The following TSNARE1 variants were observed in gnomAD, a reference collection of about 807,000 sequenced individuals.
The protein encoded by TSNARE1 is t-SNARE domain-containing protein 1.
Under a neutral mutation model 62.0 loss-of-function variants are expected in TSNARE1, and 49 were observed. The ratio of observed to expected loss-of-function variants is 0.79; its 90% confidence interval spans 0.63 to 1.00. The LOEUF (loss-of-function observed/expected upper bound fraction) is 1.00. Ranked by LOEUF, TSNARE1 falls within the 50% of genes least tolerant of loss-of-function variation. The pLI, the probability that TSNARE1 is intolerant of heterozygous loss-of-function variation, is 0.00. For synonymous variants in TSNARE1, 328 were observed against 294.4 expected, an observed-to-expected ratio of 1.11 and a Z score of -1.17; for missense variants, 755 against 700.1, an observed-to-expected ratio of 1.08 and a Z score of -0.88.
At chr8:142,355,266 G>A (rs960660389) in intron 1 of TSNARE1, among the ~76,000 whole-genome samples, 117 of 152,354 alleles carry the variant, frequency 7.7e-4, no homozygotes, top group African/African-American at 2.7e-3. Flanking sequence ...TCAGGCCCGG[G>A]GTTGGCTCTG....
At chr8:142,361,265 C>T (rs1479412816) in intron 1 of TSNARE1, among the ~76,000 whole-genome samples, 1 of 152,208 alleles carries the variant, frequency 6.6e-6, no homozygotes, top group Non-Finnish European at 1.5e-5. Flanking sequence ...TGGGGACAGA[C>T]GGGAAAGCGG....
At chr8:142,289,063 C>T (rs975634280) in intron 10 of TSNARE1, among the ~76,000 whole-genome samples, 9 of 152,250 alleles carry the variant, frequency 5.9e-5, no homozygotes, top group Admixed American at 4.6e-4. Flanking sequence ...CTCTTTAAGA[C>T]GCCTGGCACT....
chr8:142,383,310 C>A (rs534085713), intron 1 of TSNARE1, among the ~76,000 whole-genome samples: 6 of 152,302 alleles, frequency 3.9e-5, no homozygotes, highest in African/African-American at 1.2e-4. Context: ...CTGGGTAAGA[C>A]GTGTGGTCAG....
intron 9 of TSNARE1, among the ~76,000 whole-genome samples, chr8:142,305,141 CGAGT>C (rs1826446815): frequency 1.3e-5 from 2 of 152,264 alleles, no homozygotes; most frequent in South Asian, 4.1e-4. Context: ...CTAATGCGGG[CGAGT>C]GAGATGGCCA....
At chr8:142,299,283 G>A (rs1029992413) in intron 10 of TSNARE1, among the ~76,000 whole-genome samples, 1 of 152,258 alleles carries the variant, frequency 6.6e-6, no homozygotes, top group Non-Finnish European at 1.5e-5. Context: ...CTTCGAGAGT[G>A]GAAGACCTGC....
chr8:142,280,284 G>A lies in TSNARE1; in HGVS notation c.1363+4129C>T, dbSNP rs957160886. On this transcript the variant is annotated intron_variant, in intron 11 of 13. Coordinates refer to ENST00000524325, the MANE Select transcript of TSNARE1 (RefSeq NM_145003.5). Reference sequence around the variant, plus strand: ...GCAGGGCTGCCGCGGCCGGCTCGGGGCTGCAGCTCTGCTGGCAGATGGCTT... The same window carrying A: ...GCAGGGCTGCCGCGGCCGGCTCGGGACTGCAGCTCTGCTGGCAGATGGCTT... The A allele has an allele frequency of 1.8e-4, 178 of 985,386 alleles. No individual in the cohort carries two copies. The Middle Eastern group carries it at 5.2e-3, about 29-fold the overall frequency. 61.0% of individuals were successfully genotyped at this position (985,386 alleles called of 1,614,324 possible).
At chr8:142,267,051 T>C (rs991815999) in intron 12 of TSNARE1, among the ~76,000 whole-genome samples, 8 of 152,240 alleles carry the variant, frequency 5.3e-5, no homozygotes, top group African/African-American at 1.7e-4. Context: ...ATTTTTGTGA[T>C]TTCATCTTTT....
chr8:142,391,865 C>T (rs1016179969), intron 1 of TSNARE1, among the ~76,000 whole-genome samples: 3 of 152,244 alleles, frequency 2.0e-5, no homozygotes, highest in Non-Finnish European at 2.9e-5. Flanking sequence ...GAGCTGAGCA[C>T]AGCCTACTGG....
At position 142,390,632 on chromosome 8, in the gene TSNARE1, GCGGGGGA is replaced by G. The variant is rs1331582841; in HGVS notation, c.-40+12465_-40+12471del. On this transcript the variant is annotated intron_variant, in intron 1 of 13. Coordinates refer to ENST00000524325, the MANE Select transcript of TSNARE1 (RefSeq NM_145003.5). ...GACTCCATAGCAGACGCTGTACACT[GCGGGGGA>G]CTCTGTAACAGAAGCTGTACACTGC... Among the ~76,000 whole-genome samples, 10 of 22,184 alleles carry G rather than the reference GCGGGGGA, an allele frequency of 4.5e-4. 2 individuals carry two copies. The highest frequency in any genetic ancestry group is 3.6e-4 in the Admixed American group (1 of 2,814). The allele number at this position is 22,184 out of a possible 152,430, so 14.6% of individuals were successfully genotyped here.
At chr8:142,335,713 G>T (rs1237783659) in intron 4 of TSNARE1, among the ~76,000 whole-genome samples, 2 of 152,194 alleles carry the variant, frequency 1.3e-5, no homozygotes, top group African/African-American at 4.8e-5. Context: ...ACTTAATGAT[G>T]CATGAGCCGA....
chr8:142,278,139 C>A (rs1820800140), intron 11 of TSNARE1: 1 of 985,276 alleles, frequency 1.0e-6, no homozygotes, highest in African/African-American at 1.7e-5. Flanking sequence ...CCAAGCCCCA[C>A]CACAAGGCCT....
chr8:142,371,340 G>GA (rs1835898705), intron 1 of TSNARE1, among the ~76,000 whole-genome samples: 1 of 152,218 alleles, frequency 6.6e-6, no homozygotes, highest in African/African-American at 2.4e-5. Flanking sequence ...AAAGTCGGGT[G>GA]AATGGCTGCC....
chr8:142,356,056 C>T (rs1834705997), intron 1 of TSNARE1, among the ~76,000 whole-genome samples: 1 of 152,226 alleles, frequency 6.6e-6, no homozygotes, highest in African/African-American at 2.4e-5. Context: ...TTTTAAATAA[C>T]AAAGCTCTTA....
chr8:142,274,882 G>A lies in TSNARE1; in HGVS notation c.1364-19C>T, dbSNP rs1820188847. ...ATACTATCTGCAAATCAAGACAACA[G>A]AAGGCAATTACAGATGGAGGCCCAG... On this transcript the variant is annotated intron_variant, in intron 11 of 13. Coordinates refer to ENST00000524325, the MANE Select transcript of TSNARE1 (RefSeq NM_145003.5). 5 of 1,529,788 alleles carry A rather than the reference G, an allele frequency of 3.3e-6. No individual in the cohort carries two copies. Among genetic ancestry groups the A allele is most frequent in the African/African-American group, 1.4e-5 (1 of 71,404 alleles). 94.8% of individuals were successfully genotyped at this position (1,529,788 alleles called of 1,614,324 possible).
chr8:142,238,641 G>A (rs1211407872), intron 12 of TSNARE1, among the ~76,000 whole-genome samples: 4 of 151,612 alleles, frequency 2.6e-5, no homozygotes, highest in African/African-American at 7.3e-5. Flanking sequence ...AAGGCTCCAA[G>A]CCACACTCCT....
intron 12 of TSNARE1, among the ~76,000 whole-genome samples, chr8:142,256,217 CCAT>C (rs1327199413): frequency 7.7e-6 from 1 of 129,762 alleles, no homozygotes; most frequent in African/African-American, 2.9e-5. Context: ...GTCACCATCA[CCAT>C]CACTATCACC....
At chr8:142,225,194 G>C (rs73362774) in intron 13 of TSNARE1, among the ~76,000 whole-genome samples, 1 of 130,640 alleles carries the variant, frequency 7.7e-6, no homozygotes, top group African/African-American at 2.7e-5. Flanking sequence ...ATGTGGACAC[G>C]GCTTGCCCTC....
At chr8:142,284,104 A>G (rs1006620202) in intron 11 of TSNARE1, among the ~76,000 whole-genome samples, 5 of 109,580 alleles carry the variant, frequency 4.6e-5, no homozygotes, top group Non-Finnish European at 9.2e-5. Context: ...AGGCGGGGCC[A>G]GTGTCTGTCA....
chr8:142,275,855 C>T, intron 11 of TSNARE1: 1 of 985,412 alleles, frequency 1.0e-6, no homozygotes, highest in African/African-American at 1.7e-5. Flanking sequence ...CACAGCCTGG[C>T]ACGACTGGCT....
Sources: allele counts gnomAD v4.1 joint callset (sites outside exome capture counted in the v4.1 genomes callset), GRCh38; gene constraint gnomAD v4.1.1; transcripts MANE v1.5; gene names NCBI Gene and HGNC (gene_info 2026-07-23, HGNC 2026-07-21).